The following SPSB4 variants were observed in gnomAD, a reference collection of about 807,000 sequenced individuals.
SPSB4 encodes SPRY domain-containing SOCS box protein 4.
Under a neutral mutation model 20.9 loss-of-function variants are expected in SPSB4, and 21 were observed. The ratio of observed to expected loss-of-function variants is 1.01; its 90% confidence interval spans 0.71 to 1.45. The LOEUF is 1.45. SPSB4 is among the 40% of genes most tolerant of loss of function. SPSB4 has a pLI of 0.00. For missense variants in SPSB4, 399 were observed against 399.2 expected (o/e 1.00, Z 0.00); for synonymous variants, 207 against 183.8 (o/e 1.13, Z -1.02).
chr3:141,052,817 C>T (rs1179195947), intron 1 of SPSB4, among the ~76,000 whole-genome samples: 1 of 152,170 alleles, frequency 6.6e-6, no homozygotes, highest in Non-Finnish European at 1.5e-5. Context: ...TTGAGCGCGG[C>T]AAATGTGTCC....
At chr3:141,095,584 CTG>C (rs1938534607) in intron 2 of SPSB4, among the ~76,000 whole-genome samples, 1 of 152,014 alleles carries the variant, frequency 6.6e-6, no homozygotes, top group African/African-American at 2.4e-5. Flanking sequence ...TTACTTTTCT[CTG>C]TGAGAAGGAT....
At chr3:141,146,147 A>G (rs939192567) in intron 2 of SPSB4, among the ~76,000 whole-genome samples, 3 of 139,826 alleles carry the variant, frequency 2.1e-5, no homozygotes, top group African/African-American at 8.2e-5. Context: ...CTGTATCCCC[A>G]GGGCTAATCA....
intron 1 of SPSB4, among the ~76,000 whole-genome samples, chr3:141,056,874 T>A (rs1206816597): frequency 6.6e-6 from 1 of 152,212 alleles, no homozygotes; most frequent in Non-Finnish European, 1.5e-5. Flanking sequence ...GTGGTATGTC[T>A]CTTTCAAATG....
intron 1 of SPSB4, among the ~76,000 whole-genome samples, chr3:141,063,211 G>A (rs1452132326): frequency 1.3e-5 from 2 of 152,158 alleles, no homozygotes; most frequent in African/African-American, 2.4e-5. Flanking sequence ...TCCCTGTTAT[G>A]TGTTTGCCCT....
chr3:141,062,618 A>G (rs534269184), intron 1 of SPSB4, among the ~76,000 whole-genome samples: 3 of 152,088 alleles, frequency 2.0e-5, no homozygotes, highest in Non-Finnish European at 4.4e-5. Flanking sequence ...TGCAATTTCT[A>G]TATGGATTTC....
chr3:141,071,390 G>A (rs1027950083), intron 2 of SPSB4, among the ~76,000 whole-genome samples: 3 of 152,144 alleles, frequency 2.0e-5, no homozygotes, highest in African/African-American at 7.2e-5. Context: ...AAGAGGCCTT[G>A]GGGTCCCTGG....
At chr3:141,084,259 A>G (rs571371726) in intron 2 of SPSB4, among the ~76,000 whole-genome samples, 6 of 152,272 alleles carry the variant, frequency 3.9e-5, no homozygotes, top group African/African-American at 1.4e-4. Flanking sequence ...GGCCTGGAGC[A>G]GAAGCATAGG....
intron 2 of SPSB4, among the ~76,000 whole-genome samples, chr3:141,134,049 C>CTTTTTTT (rs1939184001): frequency 3.6e-4 from 23 of 63,888 alleles, no homozygotes; most frequent in South Asian, 5.0e-4. Context: ...TTTTTTTTTT[C>CTTTTTTT]TTTTTTCTTT....
chr3:141,069,787 G>A (rs1378710958), intron 2 of SPSB4, among the ~76,000 whole-genome samples: 1 of 152,184 alleles, frequency 6.6e-6, no homozygotes, highest in Non-Finnish European at 1.5e-5. Flanking sequence ...GATTAACTAG[G>A]TGAACTGAGG....
intron 2 of SPSB4, among the ~76,000 whole-genome samples, chr3:141,133,957 G>T (rs1035629816): frequency 2.7e-5 from 4 of 147,898 alleles, no homozygotes; most frequent in Non-Finnish European, 4.5e-5. Context: ...AGCAATGTTT[G>T]GTAGTTTTCC....
intron 2 of SPSB4, among the ~76,000 whole-genome samples, chr3:141,072,600 T>C (rs1463935113): frequency 4.6e-5 from 7 of 152,154 alleles, no homozygotes; most frequent in Non-Finnish European, 2.9e-5. Context: ...CCTGAGGCCC[T>C]CAGCAGAAGC....
At chr3:141,056,165 G>A (rs755660033) in intron 1 of SPSB4, among the ~76,000 whole-genome samples, 2 of 152,236 alleles carry the variant, frequency 1.3e-5, no homozygotes, top group African/African-American at 4.8e-5. Flanking sequence ...GGTGGGAGAC[G>A]CTGGAGCAGT....
intron 1 of SPSB4, among the ~76,000 whole-genome samples, chr3:141,055,634 C>G (rs759599135): frequency 1.5e-4 from 23 of 152,254 alleles, no homozygotes; most frequent in Non-Finnish European, 2.8e-4. Flanking sequence ...AAGTTCTGAA[C>G]TAGGGGAAAG....
At chr3:141,113,792 ATACTT>A (rs1938842153) in intron 2 of SPSB4, among the ~76,000 whole-genome samples, 1 of 152,210 alleles carries the variant, frequency 6.6e-6, no homozygotes, top group Non-Finnish European at 1.5e-5. Context: ...ACTGAATTGT[ATACTT>A]TAAAATGGTT....
intron 2 of SPSB4, among the ~76,000 whole-genome samples, chr3:141,123,336 C>T (rs1939000260): frequency 6.6e-6 from 1 of 152,206 alleles, no homozygotes; most frequent in South Asian, 2.1e-4. Context: ...CAATCTGCAC[C>T]CTTGCTGAAA....
intron 2 of SPSB4, among the ~76,000 whole-genome samples, chr3:141,067,750 C>T (rs1289877920): frequency 6.6e-6 from 1 of 152,210 alleles, no homozygotes; most frequent in South Asian, 2.1e-4. Context: ...GGCCAGGAGC[C>T]AGGCACTTGT....
intron 2 of SPSB4, among the ~76,000 whole-genome samples, chr3:141,144,547 A>G (rs1221230902): frequency 6.6e-6 from 1 of 152,230 alleles, no homozygotes; most frequent in Non-Finnish European, 1.5e-5. Context: ...GAGCTCTTAA[A>G]GTTCCACAGT....
intron 2 of SPSB4, among the ~76,000 whole-genome samples, chr3:141,080,951 G>A (rs1257885962): frequency 6.6e-6 from 1 of 152,200 alleles, no homozygotes; most frequent in Non-Finnish European, 1.5e-5. Flanking sequence ...GCTCCAGCTT[G>A]CCCACTTGCT....
chr3:141,077,381 C>T (rs1210970597), intron 2 of SPSB4: 1 of 152,202 alleles, frequency 6.6e-6, no homozygotes, highest in Non-Finnish European at 1.5e-5. Context: ...TGTCTCCCAT[C>T]CCTCTTGTCT....
Sources: gnomAD v4.1 joint callset for allele counts (sites outside exome capture counted in the v4.1 genomes callset) on GRCh38, gnomAD v4.1.1 for gene constraint, MANE v1.5 for transcripts, NCBI Gene and HGNC (gene_info 2026-07-23, HGNC 2026-07-21) for gene names.